TTC3: variants seen among roughly 807,000 people sequenced by gnomAD.
TTC3 encodes tetratricopeptide repeat domain 3, also known as E3 ubiquitin-protein ligase TTC3.
A neutral mutation model predicts 249.6 loss-of-function variants in TTC3; 180 were observed. That is an observed-to-expected ratio of 0.72 (90% confidence interval 0.64 to 0.82). TTC3 has a LOEUF of 0.82. Ranked by LOEUF, TTC3 falls within the 40% of genes least tolerant of loss-of-function variation. The pLI is 0.00. For synonymous variants in TTC3, 717 were observed against 805.0 expected (o/e 0.89, Z 1.85); for missense variants, 2,061 against 2,398.4 (o/e 0.86, Z 2.94).
chr21:37,074,148 C>A (rs1156837332), intron 1 of TTC3, among the ~76,000 whole-genome samples: 1 of 151,374 alleles, frequency 6.6e-6, no homozygotes, highest in East Asian at 1.9e-4. Context: ...CCTGTCCCCA[C>A]GGAACGGACC....
chr21:37,188,598 A>G lies in TTC3; in HGVS notation c.5024+3A>G, dbSNP rs1265948551. ...AAGAAGCTGGGGCTGATTAGCCGGT[A>G]TTGCAGTTTCGTGGGTGTTCTCAGC... On this transcript the variant is annotated splice_donor_region_variant and intron_variant, in intron 39 of 45. Transcript: ENST00000355666. 1.2e-6 allele frequency: 2 copies of G among 1,613,472 alleles called. No individual in the cohort carries two copies. Among genetic ancestry groups the G allele is most frequent in the East Asian group, 4.5e-5 (2 of 44,848 alleles).
At chr21:37,150,967 C>A (rs1034734935) in intron 25 of TTC3, 83 bp downstream of exon 25, 4 of 1,031,234 alleles carry the variant, frequency 3.9e-6, no homozygotes, top group Non-Finnish European at 4.3e-6. Flanking sequence ...TAAATTATGC[C>A]TTTTTAAAAA....
At chr21:37,132,826 A>T (rs1239630470) in intron 17 of TTC3, 60 bp downstream of exon 17, 1 of 1,332,250 alleles carries the variant, frequency 7.5e-7, no homozygotes, top group East Asian at 2.4e-5. Flanking sequence ...CATTGTTCAC[A>T]TGAATAAGGT....
chr21:37,192,267 G>A (rs994653046), intron 41 of TTC3, 54 bp downstream of exon 41: 1 of 1,186,306 alleles, frequency 8.4e-7, no homozygotes, highest in Non-Finnish European at 1.2e-6. Context: ...TTTGTTAACT[G>A]GCCAAAGTAG....
chr21:37,110,085 A>G (rs993713499), intron 11 of TTC3, among the ~76,000 whole-genome samples: 11 of 152,258 alleles, frequency 7.2e-5, no homozygotes, highest in Non-Finnish European at 1.3e-4. Context: ...GACCAAAGGT[A>G]GATAAAACCA....
intron 36 of TTC3, among the ~76,000 whole-genome samples, chr21:37,184,325 T>C (rs187933079): frequency 3.9e-5 from 6 of 152,368 alleles, no homozygotes; most frequent in African/African-American, 1.4e-4. Context: ...ATTTTTTTTC[T>C]GTACTAGCAT....
intron 11 of TTC3, among the ~76,000 whole-genome samples, chr21:37,110,810 G>T (rs1260978144): frequency 6.6e-6 from 1 of 152,178 alleles, no homozygotes; most frequent in Non-Finnish European, 1.5e-5. Flanking sequence ...AGAGAGAAAG[G>T]TCGGGTTACC....
chr21:37,136,748 A>C (rs1365797656), intron 18 of TTC3, among the ~76,000 whole-genome samples: 8 of 152,248 alleles, frequency 5.3e-5, no homozygotes, highest in Non-Finnish European at 1.2e-4. Context: ...TAAACAACAG[A>C]TTGTCAATGG....
rs548587858 is a variant in TTC3 at position 37,134,455 on chromosome 21, A to C, written c.1444-925A>C. On this transcript the variant is annotated intron_variant, in intron 17 of 45. Coordinates refer to ENST00000355666, the Ensembl canonical transcript of TTC3. ...CAGAGCAAGACTCCATCTCAAAAAA[A>C]AAAAGCCAGCAGAAGGCTTTTGTTA... 9.9e-5 allele frequency among the ~76,000 whole-genome samples: 15 copies of C among 152,214 alleles called. 1 individual carries two copies. The highest frequency in any genetic ancestry group is 9.2e-4 in the Admixed American group (14 of 15,286).
exon 2 of TTC3, chr21:37,087,293 G>A (rs73201925): frequency 2.0e-5 from 33 of 1,613,400 alleles, no homozygotes; most frequent in East Asian, 1.3e-4. Context: ...TCACTGTGGC[G>A]GATTATGCCT....
intron 9 of TTC3, 114 bp from the exon 10 acceptor site, chr21:37,096,467 G>C: frequency 1.5e-6 from 1 of 686,676 alleles, no homozygotes; most frequent in East Asian, 2.8e-5. Flanking sequence ...TTTTTGCTTT[G>C]CCACACATAT....
At chr21:37,137,747 T>C (rs1455586484) in intron 18 of TTC3, among the ~76,000 whole-genome samples, 1 of 152,198 alleles carries the variant, frequency 6.6e-6, no homozygotes, top group Non-Finnish European at 1.5e-5. Context: ...CATCACACAT[T>C]ACAGAGAAAC....
chr21:37,088,713 G>A (rs968822230), intron 4 of TTC3, 86 bp from the exon 5 acceptor site: 16 of 1,218,112 alleles, frequency 1.3e-5, no homozygotes, highest in Non-Finnish European at 1.8e-5. Context: ...ATTTTTTAAT[G>A]GTTTGAGATA....
exon 46 of TTC3, chr21:37,202,342 C>CG (rs1569217389): frequency 1.3e-5 from 2 of 152,246 alleles, no homozygotes; most frequent in African/African-American, 4.8e-5. Flanking sequence ...TCCCAGCCCC[C>CG]GGTTGGAGCC....
chr21:37,165,773 A>T (rs2081199156), exon 33 of TTC3: 1 of 1,613,692 alleles, frequency 6.2e-7, no homozygotes, highest in African/African-American at 1.3e-5. Context: ...GAAGAAAAAC[A>T]TTAAAACAAA....
Position 37,165,851 on chromosome 21 carries a change from G to T in TTC3, c.3637G>T (p.Glu1213Ter). Residue 1213 changes from glutamate (E) to a stop codon, truncating the protein, a stop_gained, in exon 33 of 46, where the codon GAA (glutamate) becomes TAA (stop). Transcript: ENST00000355666. LOFTEE classifies it high-confidence loss of function. ...ACTACAACTGAATCCAGCTGCTAGG[G>T]AATTTAAACCAGATGTAAAGTCTAA... is the stretch of plus-strand genomic sequence containing the variant. 3 of 1,614,154 alleles carry T rather than the reference G, an allele frequency of 1.9e-6. No homozygotes were observed. The highest frequency in any genetic ancestry group is 2.5e-6 in the Non-Finnish European group (3 of 1,180,030).
chr21:37,137,102 C>T (rs970271186), intron 18 of TTC3, among the ~76,000 whole-genome samples: 8 of 152,198 alleles, frequency 5.3e-5, no homozygotes, highest in African/African-American at 1.9e-4. Flanking sequence ...TGCTCATTGA[C>T]AATGCACCTG....
At chr21:37,156,989 A>G (rs2080159157) in intron 28 of TTC3, 83 bp downstream of exon 28, 1 of 1,489,478 alleles carries the variant, frequency 6.7e-7, no homozygotes, top group South Asian at 1.3e-5. Context: ...GTTTAAATAT[A>G]TAACAAAGAA....
intron 11 of TTC3, among the ~76,000 whole-genome samples, chr21:37,120,166 G>A (rs2076469246): frequency 6.6e-6 from 1 of 152,186 alleles, no homozygotes; most frequent in Non-Finnish European, 1.5e-5. Context: ...TCCTAAGTGA[G>A]GGGAGACTAG....
Sources: allele counts gnomAD v4.1 joint callset (sites outside exome capture counted in the v4.1 genomes callset), GRCh38; gene constraint gnomAD v4.1.1; transcripts MANE v1.5; gene names NCBI Gene and HGNC (gene_info 2026-07-23, HGNC 2026-07-21).